The following GREB1 variants were observed in gnomAD, a reference collection of about 807,000 sequenced individuals.
The protein encoded by GREB1 is growth regulating estrogen receptor binding 1.
Under a neutral mutation model 200.7 loss-of-function variants are expected in GREB1, and 106 were observed. That is an observed-to-expected ratio of 0.53 (90% CI 0.45 to 0.62). GREB1 has a LOEUF of 0.62. Among genes scored for constraint, GREB1 ranks in the 20% least tolerant of loss-of-function variants. The pLI, the probability that GREB1 is intolerant of heterozygous loss-of-function variation, is 0.00. For synonymous variants in GREB1, 1,132 were observed against 1,092.4 expected, an observed-to-expected ratio of 1.04 and a Z score of -0.72; for missense variants, 2,243 against 2,556.8, an observed-to-expected ratio of 0.88 and a Z score of 2.65.
chr2:11,600,261 C>T (rs1254137389), intron 15 of GREB1, among the ~76,000 whole-genome samples: 2 of 151,746 alleles, frequency 1.3e-5, no homozygotes, highest in Non-Finnish European at 2.9e-5. Context: ...TTTTTTAATC[C>T]CCTAAACTTA....
rs918143493 is a variant in GREB1, at chr2:11,640,592, C to T, written c.*138C>T. 1 of 947,124 alleles carries T rather than the reference C, an allele frequency of 1.1e-6. No homozygotes were observed. Among genetic ancestry groups the T allele is most frequent in the Non-Finnish European group, 1.6e-6 (1 of 626,360 alleles). 58.7% of individuals were successfully genotyped at this position (947,124 alleles called of 1,614,324 possible). A position where few individuals can be genotyped will look rare whatever the true frequency, so the allele number is the denominator to read the frequency against. ...TGTCCAGGTGCAGCCCCTCCTAGTA[C>T]ACATGGGCCCCCGAGGCCGTGGTCC... On this transcript the variant is annotated 3_prime_UTR_variant, in exon 33 of 33. Transcript: ENST00000381486. This position sits in a 1 kb window ranked among gnomAD's most constrained non-coding sequence, Gnocchi z 4.6.
At chr2:11,591,624 C>T (rs1287814248) in intron 10 of GREB1, 24 of 590,740 alleles carry the variant, frequency 4.1e-5, no homozygotes, top group East Asian at 1.2e-4. Context: ...GGTAAACTGA[C>T]GCATTCAGGC....
chr2:11,502,215 C>T (rs951887609), intron 1 of GREB1, among the ~76,000 whole-genome samples: 1 of 149,542 alleles, frequency 6.7e-6, no homozygotes, highest in African/African-American at 2.5e-5. Context: ...CCACGCCTGG[C>T]CCTCTTTTTT....
chr2:11,620,859 G>A (rs372433827), intron 22 of GREB1, 46 bp from the exon 23 acceptor site: 41 of 1,150,582 alleles, frequency 3.6e-5, no homozygotes, highest in Middle Eastern at 2.0e-4. Flanking sequence ...CCTGGCACGC[G>A]GATGGGGCTT....
intron 1 of GREB1, among the ~76,000 whole-genome samples, chr2:11,535,943 A>G (rs1478707084): frequency 6.6e-6 from 1 of 151,882 alleles, no homozygotes; most frequent in East Asian, 1.9e-4. Context: ...AAATGCAAAC[A>G]CTACCTTGTA....
intron 1 of GREB1, among the ~76,000 whole-genome samples, chr2:11,483,687 GGTGT>G (rs57352590): frequency 0.2 from 26,547 of 132,048 alleles, 3,030 homozygotes; most frequent in East Asian, 0.26. Flanking sequence ...TACAAGAAGG[GGTGT>G]GTGTGTGTGT....
chr2:11,641,943 C>A lies in GREB1; in HGVS notation c.*1489C>A, dbSNP rs1454830140. The A allele has an allele frequency of 1.3e-5, 2 of 152,146 alleles. No homozygotes were observed. The highest frequency in any genetic ancestry group is 2.9e-5 in the Non-Finnish European group (2 of 68,042). The allele number at this position is 152,146 out of a possible 1,614,324, so 9.4% of individuals were successfully genotyped here. On this transcript the variant is annotated 3_prime_UTR_variant, in exon 33 of 33. Coordinates refer to ENST00000381486, the MANE Select transcript of GREB1 (RefSeq NM_014668.4). Reference sequence around the variant, plus strand: ...TTGAGATGCAAAGAGTCTACCTTTCCAAGTTCTCACTGCTGGAAAGAGCTA... The same window carrying A: ...TTGAGATGCAAAGAGTCTACCTTTCAAAGTTCTCACTGCTGGAAAGAGCTA...
rs1263883827 is a variant in GREB1 at position 11,580,247 on chromosome 2, CA to C, written c.773-454del. Among the ~76,000 whole-genome samples the C allele has an allele frequency of 6.6e-6, 1 of 152,146 alleles. No individual in the cohort carries two copies. Among genetic ancestry groups the C allele is most frequent in the Non-Finnish European group, 1.5e-5 (1 of 68,036 alleles). On this transcript the variant is annotated intron_variant, in intron 6 of 32. Coordinates refer to ENST00000381486, the MANE Select transcript of GREB1 (RefSeq NM_014668.4). This position sits in a 1 kb window ranked among gnomAD's most constrained non-coding sequence, Gnocchi z 4.5. ...AGTGGAATTTGGGCGGGGACACAGC[CA>C]AACCGTATCAACCAGAGGTCTTGAG...
intron 31 of GREB1, 119 bp from the exon 32 acceptor site, chr2:11,638,552 C>A: frequency 1.4e-6 from 1 of 739,432 alleles, no homozygotes; most frequent in Non-Finnish European, 2.2e-6. Context: ...TGTCTCTGGC[C>A]CCCCAAAAAT....
rs746944083 is a variant in GREB1 at position 11,598,633 on chromosome 2, C to CCAGT, written c.2153-46_2153-43dup. 42 of 1,558,444 alleles carry CCAGT rather than the reference C, an allele frequency of 2.7e-5. 2 individuals carry two copies. The Middle Eastern group carries it at 5.2e-4, about 19-fold the overall frequency. On this transcript the variant is annotated intron_variant, in intron 14 of 32. Coordinates refer to ENST00000381486, the MANE Select transcript of GREB1 (RefSeq NM_014668.4). ...CAGGTGTCTGTTGAGTGAATGAAAC[C>CCAGT]CAGTGCGCATGTTTGCAGTTACTGA...
chr2:11,573,286 A>G (rs1156941537), intron 4 of GREB1, among the ~76,000 whole-genome samples: 1 of 152,188 alleles, frequency 6.6e-6, no homozygotes, highest in Non-Finnish European at 1.5e-5. Context: ...TAGACACAGG[A>G]AAATCACAGG....
In GREB1 at chr2:11,632,597, C is replaced by A. The variant is rs148085553; in HGVS notation, c.4817-292C>A. ...AGGTGACTGGCCTGCCTCGGCCCCCCAAACTGCTGGGATTATAGGCGTGAG... is the reference window on the plus strand; with the variant it reads ...AGGTGACTGGCCTGCCTCGGCCCCCAAAACTGCTGGGATTATAGGCGTGAG... On this transcript the variant is annotated intron_variant, in intron 27 of 32. Transcript: ENST00000381486. Among the ~76,000 whole-genome samples the A allele has an allele frequency of 2.3e-3, 354 of 152,300 alleles. 2 individuals are homozygous for A. The highest frequency in any genetic ancestry group is 8.2e-3 in the African/African-American group (341 of 41,558).
intron 4 of GREB1, among the ~76,000 whole-genome samples, chr2:11,568,256 A>G (rs1031127466): frequency 4.6e-5 from 7 of 152,218 alleles, no homozygotes; most frequent in African/African-American, 1.7e-4. Context: ...AGCACACTGT[A>G]TGTCTGAGAA....
At position 11,493,394 on chromosome 2, in the gene GREB1, C is replaced by T. The variant is rs118122052; in HGVS notation, c.-159+11013C>T. Among the ~76,000 whole-genome samples, 338 of 152,240 alleles carry T rather than the reference C, an allele frequency of 2.2e-3. 10 individuals carry two copies. The highest frequency in any genetic ancestry group is 0.016 in the Admixed American group (249 of 15,290). On this transcript the variant is annotated intron_variant, in intron 1 of 2. Coordinates refer to the GREB1 transcript ENST00000628795. This position sits in a 1 kb window ranked among gnomAD's most constrained non-coding sequence, Gnocchi z 4.6. The stretch of plus-strand genomic sequence containing the variant: ...GCGTGCAACCTGGATCCCTTGTAGG[C>T]GCAGTTCACAATAGGGTTTGAGCTC...
At chr2:11,624,280 T>C (rs1312980937) in intron 23 of GREB1, among the ~76,000 whole-genome samples, 1 of 151,920 alleles carries the variant, frequency 6.6e-6, no homozygotes, top group Non-Finnish European at 1.5e-5. Flanking sequence ...TACAGTGCAC[T>C]GTTTTACATT....
chr2:11,550,894 C>A (rs756731423), intron 1 of GREB1, among the ~76,000 whole-genome samples: 2 of 152,196 alleles, frequency 1.3e-5, no homozygotes, highest in Non-Finnish European at 2.9e-5. Flanking sequence ...CAGAAGCCTC[C>A]TCTCCTTTCT....
intron 1 of GREB1, among the ~76,000 whole-genome samples, chr2:11,525,526 G>A (rs931151291): frequency 6.7e-6 from 1 of 150,154 alleles, no homozygotes; most frequent in Non-Finnish European, 1.5e-5. Flanking sequence ...AAGGCATTCA[G>A]GTCATATTCT....
intron 10 of GREB1, 33 bp downstream of exon 10, chr2:11,588,964 G>C: frequency 6.3e-7 from 1 of 1,585,256 alleles, no homozygotes. Context: ...CCCAGTGGCA[G>C]GGAGTGGCCA....
chr2:11,621,754 A>T (rs1350482763), intron 23 of GREB1, among the ~76,000 whole-genome samples: 1 of 152,172 alleles, frequency 6.6e-6, no homozygotes, highest in Non-Finnish European at 1.5e-5. Context: ...GATGCTGTCG[A>T]TTGTGCTTCA....
Sources: gnomAD v4.1 joint callset for allele counts (sites outside exome capture counted in the v4.1 genomes callset) on GRCh38, gnomAD v4.1.1 for gene constraint, Gnocchi (gnomAD v3.1) non-coding constraint, MANE v1.5 for transcripts, NCBI Gene and HGNC (gene_info 2026-07-23, HGNC 2026-07-21) for gene names.